Variants in POU1F1 observed in about 807,000 individuals in gnomAD.
POU1F1 encodes the protein pituitary-specific positive transcription factor 1.
In POU1F1, 23 loss-of-function variants were observed where a neutral mutation model predicts 32.3. That is an observed-to-expected ratio of 0.71 (90% CI 0.51 to 1.01). The LOEUF is 1.01. POU1F1 is among the 50% of genes least tolerant of loss of function. The probability of loss-of-function intolerance (pLI) is 0.00; values close to 1 mark genes in which losing one functional copy is unlikely to be tolerated. For missense variants in POU1F1, 323 were observed against 341.6 expected, an observed-to-expected ratio of 0.95 and a Z score of 0.43; for synonymous variants, 120 against 115.6, an observed-to-expected ratio of 1.04 and a Z score of -0.25.
chr3:87,274,886 G>A (rs1453535288), intron 1 of POU1F1, among the ~76,000 whole-genome samples: 1 of 151,564 alleles, frequency 6.6e-6, no homozygotes, highest in Non-Finnish European at 1.5e-5. Flanking sequence ...GTTAAATACA[G>A]GATAGGCTAA....
intron 1 of POU1F1, among the ~76,000 whole-genome samples, chr3:87,275,103 A>T (rs1479646363): frequency 6.6e-6 from 1 of 152,078 alleles, no homozygotes; most frequent in South Asian, 2.1e-4. Context: ...CTATGTGGTA[A>T]TTGCTTAGAT....
At position 87,273,432 on chromosome 3, in the gene POU1F1, C is replaced by T. The variant is rs781210029; in HGVS notation, c.143-14G>A. 28 of 1,611,636 alleles carry T rather than the reference C, an allele frequency of 1.7e-5. No homozygotes were observed. The highest frequency in any genetic ancestry group is 2.4e-5 in the Non-Finnish European group (28 of 1,178,606). On this transcript the variant is annotated splice_polypyrimidine_tract_variant and intron_variant, in intron 1 of 5. Coordinates refer to ENST00000350375, the MANE Select transcript of POU1F1 (RefSeq NM_000306.4). Reference sequence around the variant, plus strand: ...GAAGTCCTGTTGCTGTGTTTCCCAACGTTGTCACCGAGAAATGTGTGCACA... The same window carrying T: ...GAAGTCCTGTTGCTGTGTTTCCCAATGTTGTCACCGAGAAATGTGTGCACA...
intron 2 of POU1F1, among the ~76,000 whole-genome samples, chr3:87,266,467 G>T (rs1466480833): frequency 6.6e-6 from 1 of 150,384 alleles, no homozygotes; most frequent in African/African-American, 2.4e-5. Context: ...ACAAATGAGA[G>T]ATTAAACAAA....
rs1221401645 is a variant in POU1F1 at position 87,261,157 on chromosome 3, G to T, written c.665+116C>A. The T allele has an allele frequency of 7.8e-6, 6 of 773,122 alleles. No homozygotes were observed. In the Admixed American group the frequency reaches 8.8e-5, roughly 11 times the overall value. The allele number at this position is 773,122 out of a possible 1,614,324, so 47.9% of individuals were successfully genotyped here. A position where few individuals can be genotyped will look rare whatever the true frequency, so the allele number is the denominator to read the frequency against. ...AGCTCCTGACCTCAGGCCCGCCTTG[G>T]CCTCCCAATTCACCTTACATTTATA... On this transcript the variant is annotated intron_variant, in intron 5 of 5. Coordinates refer to ENST00000350375, the MANE Select transcript of POU1F1 (RefSeq NM_000306.4).
intron 2 of POU1F1, among the ~76,000 whole-genome samples, chr3:87,272,896 G>C (rs376047694): frequency 1.5e-4 from 23 of 152,212 alleles, no homozygotes; most frequent in African/African-American, 5.3e-4. Context: ...TATGGGAGTC[G>C]CTAGCCACAT....
rs142491010 is a variant in POU1F1, at chr3:87,276,382, C to T, written c.81G>A (p.Met27Ile). 1 of 1,613,942 alleles carries T rather than the reference C, an allele frequency of 6.2e-7. No homozygotes were observed. The highest frequency in any genetic ancestry group is 1.3e-5 in the African/African-American group (1 of 75,010). ...SDASATLPLIMHHSAAECLPV... is the reference protein window; with the variant it reads ...SDASATLPLIIHHSAAECLPV... The stretch of plus-strand genomic sequence containing the variant: ...GTAGACACTCGGCAGCACTGTGATG[C>T]ATTATCAGAGGCAGAGTTGCAGAGG... Residue 27 changes from methionine to isoleucine, a missense_variant, in exon 1 of 6, where the codon ATG becomes ATA. Physicochemically the swap from Met to Ile is conservative, Grantham distance 10 (BLOSUM62 1). Coordinates refer to ENST00000350375, the MANE Select transcript of POU1F1 (RefSeq NM_000306.4).
Position 87,264,296 on chromosome 3 carries a change from A to C in POU1F1, c.431T>G (p.Ile144Ser), listed in dbSNP as rs1156573261. ...KFANEFKVRR[I>S]KLGYTQTNVG... ...CTTTAACAAGCACATACCTAATTTA[A>C]TTCGTCTCACTTTAAATTCATTGGC... is the stretch of plus-strand genomic sequence containing the variant. The change falls in exon 3 of 6, where the codon ATT (isoleucine) becomes AGT (serine). Residue 144 changes from isoleucine (I) to serine (S), a missense_variant. Ile to Ser is a moderately radical substitution (Grantham distance 142, BLOSUM62 -2). Transcript: ENST00000350375. The C allele has an allele frequency of 6.2e-7, 1 of 1,610,748 alleles. No homozygotes were observed. The highest frequency in any genetic ancestry group is 8.5e-7 in the Non-Finnish European group (1 of 1,177,018).
intron 1 of POU1F1, 167 bp from the exon 2 acceptor site, chr3:87,273,585 T>A (rs1575983034): frequency 7.6e-7 from 1 of 1,320,244 alleles, no homozygotes; most frequent in Non-Finnish European, 1.0e-6. Context: ...CATGCCAATA[T>A]GTTTTTCTCA....
chr3:87,264,250 C>G (rs763825455), intron 3 of POU1F1, 38 bp downstream of exon 3: 15 of 1,516,926 alleles, frequency 9.9e-6, no homozygotes, highest in Non-Finnish European at 1.4e-5. Context: ...GATTTGCAAA[C>G]CAAGTTCTTT....
intron 2 of POU1F1, among the ~76,000 whole-genome samples, chr3:87,271,337 G>A (rs1706717504): frequency 6.6e-6 from 1 of 152,162 alleles, no homozygotes; most frequent in Admixed American, 6.6e-5. Context: ...GCAAACTCCC[G>A]AGGCCAGTGG....
chr3:87,262,347 A>G (rs1384492225), intron 3 of POU1F1, 112 bp from the exon 4 acceptor site: 2 of 1,202,104 alleles, frequency 1.7e-6, no homozygotes, highest in African/African-American at 3.0e-5. Context: ...CTATTTTTTA[A>G]CTATATATTC....
At chr3:87,267,085 A>C (rs1030721711) in intron 2 of POU1F1, among the ~76,000 whole-genome samples, 4 of 152,170 alleles carry the variant, frequency 2.6e-5, no homozygotes, top group Non-Finnish European at 5.9e-5. Context: ...TATATAAAAA[A>C]TTTGTGTGTT....
At position 87,276,577 on chromosome 3, in the gene POU1F1, A is replaced by G; in HGVS notation, c.-115T>C. 2.3e-6 allele frequency: 3 copies of G among 1,281,856 alleles called. No homozygotes were observed. Among genetic ancestry groups the G allele is most frequent in the Admixed American group, 2.0e-5 (1 of 50,614 alleles). The allele number at this position is 1,281,856 out of a possible 1,614,324, so 79.4% of individuals were successfully genotyped here. A position where few individuals can be genotyped will look rare whatever the true frequency, so the allele number is the denominator to read the frequency against. On this transcript the variant is annotated 5_prime_UTR_variant, in exon 1 of 6. Coordinates refer to ENST00000350375, the MANE Select transcript of POU1F1 (RefSeq NM_000306.4). ...TCACTACCTGCATATATACATCAGGAAGGCTCTGAGGCACCAGGAGGGTGC... is the reference window on the plus strand; with the variant it reads ...TCACTACCTGCATATATACATCAGGGAGGCTCTGAGGCACCAGGAGGGTGC...
In POU1F1 at chr3:87,259,798, TA is replaced by T; in HGVS notation, c.*95del. 1 of 1,038,048 alleles carries T rather than the reference TA, an allele frequency of 9.6e-7. No homozygotes were observed. Among genetic ancestry groups the T allele is most frequent in the Non-Finnish European group, 1.5e-6 (1 of 688,168 alleles). The allele number at this position is 1,038,048 out of a possible 1,614,324, so 64.3% of individuals were successfully genotyped here. A position where few individuals can be genotyped will look rare whatever the true frequency, so the allele number is the denominator to read the frequency against. ...AAAGCTTCTGTAAAAGCTATTGATA[TA>T]AAATGATTTTAAGTCAACCAAGTAA... On this transcript the variant is annotated 3_prime_UTR_variant, in exon 6 of 6. Coordinates refer to ENST00000350375, the MANE Select transcript of POU1F1 (RefSeq NM_000306.4).
At chr3:87,262,013 T>G in intron 4 of POU1F1, 58 bp downstream of exon 4, 1 of 1,597,060 alleles carries the variant, frequency 6.3e-7, no homozygotes. Context: ...TCCTACTTAT[T>G]GAAGCCATTA....
At position 87,264,531 on chromosome 3, in the gene POU1F1, A is replaced by G; in HGVS notation, c.215-19T>C. 6.5e-7 allele frequency: 1 copy of G among 1,532,862 alleles called. No homozygotes were observed. Among genetic ancestry groups the G allele is most frequent in the Non-Finnish European group, 9.0e-7 (1 of 1,106,352 alleles). The allele number at this position is 1,532,862 out of a possible 1,614,324, so 95.0% of individuals were successfully genotyped here. A position where few individuals can be genotyped will look rare whatever the true frequency, so the allele number is the denominator to read the frequency against. ...AAACTACCTGTGAGTAAACAAAGAA[A>G]TAAAATGAAAAAGACCATTTGTCAT... is the stretch of plus-strand genomic sequence containing the variant. On this transcript the variant is annotated intron_variant, in intron 2 of 5. Transcript: ENST00000350375.
intron 1 of POU1F1, among the ~76,000 whole-genome samples, chr3:87,274,788 T>C (rs552198939): frequency 6.6e-6 from 1 of 151,762 alleles, no homozygotes; most frequent in East Asian, 1.9e-4. Flanking sequence ...GCTATTATCA[T>C]TTAAAACATT....
intron 2 of POU1F1, 126 bp from the exon 3 acceptor site, chr3:87,264,638 T>C: frequency 1.4e-6 from 1 of 737,540 alleles, no homozygotes; most frequent in Non-Finnish European, 2.3e-6. Flanking sequence ...CTTACAAGGT[T>C]ACCTTACATT....
chr3:87,261,138 T>C (rs971839011), intron 5 of POU1F1, 135 bp downstream of exon 5: 15 of 650,382 alleles, frequency 2.3e-5, no homozygotes, highest in Non-Finnish European at 3.5e-5. Context: ...CTCGAGCTCC[T>C]GACCTCAGGC....
Sources: allele counts gnomAD v4.1 joint callset (sites outside exome capture counted in the v4.1 genomes callset), GRCh38; gene constraint gnomAD v4.1.1; transcripts MANE v1.5; gene names NCBI Gene and HGNC (gene_info 2026-07-23, HGNC 2026-07-21).